Variants in CCSER1 observed in about 807,000 individuals in gnomAD.
CCSER1 encodes the protein serine-rich coiled-coil domain-containing protein 1.
In CCSER1, 41 loss-of-function variants were observed where a neutral mutation model predicts 82.0. That is an observed-to-expected ratio of 0.50 (90% CI 0.39 to 0.65). The LOEUF (loss-of-function observed/expected upper bound fraction) is 0.65. CCSER1 is among the 30% of genes least tolerant of loss of function. The pLI is 0.00. For synonymous variants in CCSER1, 414 were observed against 383.9 expected (o/e 1.08, Z -0.92); for missense variants, 1,119 against 1,064.2 (o/e 1.05, Z -0.72).
intron 9 of CCSER1, among the ~76,000 whole-genome samples, chr4:91,034,993 G>A (rs1741308639): frequency 6.6e-6 from 1 of 152,086 alleles, no homozygotes; most frequent in Non-Finnish European, 1.5e-5. Context: ...GTATGTGCAT[G>A]CATTTATGTA....
intron 9 of CCSER1, among the ~76,000 whole-genome samples, chr4:91,027,878 A>G (rs949134108): frequency 6.6e-6 from 1 of 152,056 alleles, no homozygotes; most frequent in African/African-American, 2.4e-5. Context: ...AAACAACTAT[A>G]TTGTCAGAAA....
chr4:91,458,130 G>T (rs1163803959), intron 10 of CCSER1, among the ~76,000 whole-genome samples: 6 of 151,972 alleles, frequency 3.9e-5, no homozygotes, highest in African/African-American at 9.7e-5. Context: ...AAGTTTTATA[G>T]TTTTGAGTCT....
At chr4:91,376,340 G>A (rs1451198703) in intron 10 of CCSER1, among the ~76,000 whole-genome samples, 1 of 152,158 alleles carries the variant, frequency 6.6e-6, no homozygotes, top group Admixed American at 6.6e-5. Flanking sequence ...ATTGCTCTTA[G>A]GCTATGAACC....
At chr4:90,976,602 T>C (rs1024170458) in intron 9 of CCSER1, among the ~76,000 whole-genome samples, 1 of 151,354 alleles carries the variant, frequency 6.6e-6, no homozygotes, top group Non-Finnish European at 1.5e-5. Context: ...AAAATGATAA[T>C]TGTAACATTA....
chr4:91,168,439 G>C (rs1252735723), intron 10 of CCSER1, among the ~76,000 whole-genome samples: 1 of 146,182 alleles, frequency 6.8e-6, no homozygotes, highest in African/African-American at 2.6e-5. Flanking sequence ...CTGCCCGGCC[G>C]CCCTGTCTGG....
At chr4:90,380,608 T>G (rs910234617) in intron 3 of CCSER1, among the ~76,000 whole-genome samples, 1 of 152,232 alleles carries the variant, frequency 6.6e-6, no homozygotes, top group African/African-American at 2.4e-5. Flanking sequence ...TCCCTTATTC[T>G]TCTTTGTAAA....
chr4:90,328,631 T>G (rs915202316), intron 3 of CCSER1, among the ~76,000 whole-genome samples: 1 of 152,194 alleles, frequency 6.6e-6, no homozygotes, highest in African/African-American at 2.4e-5. Flanking sequence ...GCGGGCATTG[T>G]GCAAGCAGCA....
chr4:90,910,597 G>A (rs947201587), intron 8 of CCSER1, among the ~76,000 whole-genome samples: 1 of 152,172 alleles, frequency 6.6e-6, no homozygotes, highest in African/African-American at 2.4e-5. Context: ...CCTGCAATCT[G>A]CTCTCAGAGT....
chr4:90,755,966 C>G (rs1170011015), intron 7 of CCSER1, among the ~76,000 whole-genome samples: 1 of 152,150 alleles, frequency 6.6e-6, no homozygotes, highest in Non-Finnish European at 1.5e-5. Flanking sequence ...TCGCTCAGGC[C>G]TGTAATCCCA....
chr4:90,608,221 A>G (rs951382279), intron 5 of CCSER1, among the ~76,000 whole-genome samples: 18 of 152,170 alleles, frequency 1.2e-4, no homozygotes, highest in African/African-American at 3.9e-4. Flanking sequence ...TTAGGGTCCC[A>G]CAAGGCTACA....
At chr4:90,522,477 C>A (rs368681219) in intron 5 of CCSER1, among the ~76,000 whole-genome samples, 17 of 152,254 alleles carry the variant, frequency 1.1e-4, no homozygotes, top group African/African-American at 3.6e-4. Flanking sequence ...CAGTTATCTA[C>A]TGAAATCTGG....
intron 9 of CCSER1, among the ~76,000 whole-genome samples, chr4:90,967,665 A>G (rs768096778): frequency 2.6e-5 from 4 of 152,114 alleles, no homozygotes; most frequent in Admixed American, 1.3e-4. Flanking sequence ...TACAACACCT[A>G]AAGCACAATA....
intron 4 of CCSER1, among the ~76,000 whole-genome samples, chr4:90,416,930 A>G (rs1194950985): frequency 1.3e-5 from 2 of 150,124 alleles, no homozygotes; most frequent in Non-Finnish European, 2.9e-5. Flanking sequence ...CATTATTCTT[A>G]GCAAACTTAA....
chr4:90,131,442 G>A (rs1366172666), intron 1 of CCSER1, among the ~76,000 whole-genome samples: 1 of 152,176 alleles, frequency 6.6e-6, no homozygotes, highest in Non-Finnish European at 1.5e-5. Context: ...CCTCTTTATA[G>A]TGAGGTGTTT....
At chr4:90,238,337 G>T (rs1385848977) in intron 1 of CCSER1, among the ~76,000 whole-genome samples, 1 of 152,044 alleles carries the variant, frequency 6.6e-6, no homozygotes, top group Non-Finnish European at 1.5e-5. Flanking sequence ...CCTTATTAAG[G>T]GTCCTCACAT....
At chr4:90,868,102 T>C (rs1260473633) in intron 8 of CCSER1, among the ~76,000 whole-genome samples, 7 of 152,116 alleles carry the variant, frequency 4.6e-5, no homozygotes, top group Non-Finnish European at 8.8e-5. Context: ...ATGGGGTTGA[T>C]GAGATACTTT....
intron 6 of CCSER1, among the ~76,000 whole-genome samples, chr4:90,673,078 G>A (rs1448285833): frequency 6.6e-6 from 1 of 151,906 alleles, no homozygotes; most frequent in Non-Finnish European, 1.5e-5. Flanking sequence ...ACAAAAGTGA[G>A]CATAAGTTAT....
chr4:90,930,466 G>GT (rs1729598791), intron 9 of CCSER1, among the ~76,000 whole-genome samples: 1 of 151,766 alleles, frequency 6.6e-6, no homozygotes, highest in African/African-American at 2.4e-5. Flanking sequence ...TTAGCCAGGC[G>GT]TAGGTGGTGC....
intron 9 of CCSER1, among the ~76,000 whole-genome samples, chr4:91,026,257 C>A (rs987076809): frequency 6.6e-6 from 1 of 152,050 alleles, no homozygotes; most frequent in Admixed American, 6.6e-5. Flanking sequence ...TGTTCCTTTT[C>A]TCTCCTGTTT....
Sources: allele counts gnomAD v4.1 joint callset (sites outside exome capture counted in the v4.1 genomes callset), GRCh38; gene constraint gnomAD v4.1.1; transcripts MANE v1.5; gene names NCBI Gene and HGNC (gene_info 2026-07-23, HGNC 2026-07-21).